NXPH1: variants seen among roughly 807,000 people sequenced by gnomAD.
The protein encoded by NXPH1 is neurexophilin 1.
Under a neutral mutation model 23.7 loss-of-function variants are expected in NXPH1, and 5 were observed. The ratio of observed to expected loss-of-function variants is 0.21; its 90% confidence interval spans 0.11 to 0.44. The LOEUF is 0.44. Among genes scored for constraint, NXPH1 ranks in the 20% least tolerant of loss-of-function variants. The probability of loss-of-function intolerance (pLI) is 0.99; values close to 1 mark genes in which losing one functional copy is unlikely to be tolerated. For missense variants in NXPH1, 324 were observed against 321.6 expected, an observed-to-expected ratio of 1.01 and a Z score of -0.06; for synonymous variants, 144 against 122.2, an observed-to-expected ratio of 1.18 and a Z score of -1.18.
chr7:8,520,435 T>C (rs974551742), intron 2 of NXPH1, among the ~76,000 whole-genome samples: 20 of 152,202 alleles, frequency 1.3e-4, no homozygotes, highest in Admixed American at 6.5e-5. Context: ...CTCTCAGCTC[T>C]GGCAATTATA....
chr7:8,531,863 T>C (rs917260680), intron 2 of NXPH1, among the ~76,000 whole-genome samples: 2 of 152,194 alleles, frequency 1.3e-5, no homozygotes, highest in African/African-American at 4.8e-5. Context: ...GCAGTAGCAG[T>C]ATTTTTCTGT....
Position 8,673,313 on chromosome 7 carries a change from T to C in NXPH1, c.55-77695T>C, listed in dbSNP as rs546717294. ...AACAGTTTCAATTAAGATGCATGCT[T>C]TTAAACTGAATACTTTATGAGAAAA... On this transcript the variant is annotated intron_variant, in intron 2 of 2. Coordinates refer to ENST00000405863, the MANE Select transcript of NXPH1 (RefSeq NM_152745.3). Among the ~76,000 whole-genome samples, 3 of 152,300 alleles carry C rather than the reference T, an allele frequency of 2.0e-5. No individual in the cohort carries two copies. In the South Asian group the frequency reaches 6.2e-4, roughly 32 times the overall value.
At chr7:8,528,574 A>C (rs1250549526) in intron 2 of NXPH1, among the ~76,000 whole-genome samples, 1 of 152,246 alleles carries the variant, frequency 6.6e-6, no homozygotes, top group Non-Finnish European at 1.5e-5. Context: ...CCTTATTTGC[A>C]TATGAAAAAT....
At chr7:8,573,191 ACT>A (rs1818683881) in intron 2 of NXPH1, among the ~76,000 whole-genome samples, 1 of 150,554 alleles carries the variant, frequency 6.6e-6, no homozygotes, top group Non-Finnish European at 1.5e-5. Context: ...GTCATTAAAA[ACT>A]CTCTGTTCAC....
intron 2 of NXPH1, among the ~76,000 whole-genome samples, chr7:8,511,671 C>CTATA (rs1023737197): frequency 6.6e-6 from 1 of 152,128 alleles, no homozygotes; most frequent in African/African-American, 2.4e-5. Flanking sequence ...AACTTGTAGA[C>CTATA]TATATGTCAC....
chr7:8,655,118 C>T (rs547170944), intron 2 of NXPH1, among the ~76,000 whole-genome samples: 2 of 152,166 alleles, frequency 1.3e-5, no homozygotes, highest in African/African-American at 4.8e-5. Flanking sequence ...GGCGAAGTAG[C>T]TTATGTCTGT....
chr7:8,588,299 A>AT (rs1819020055), intron 2 of NXPH1, among the ~76,000 whole-genome samples: 1 of 152,154 alleles, frequency 6.6e-6, no homozygotes, highest in African/African-American at 2.4e-5. Context: ...ACAGGAGTGA[A>AT]TTTTTTAACA....
chr7:8,511,101 A>T, intron 2 of NXPH1, among the ~76,000 whole-genome samples: 1 of 152,164 alleles, frequency 6.6e-6, no homozygotes, highest in Non-Finnish European at 1.5e-5. Context: ...GGAATCCAAA[A>T]AGAATAGGAC....
chr7:8,610,449 C>T (rs148208506), intron 2 of NXPH1, among the ~76,000 whole-genome samples: 1 of 152,204 alleles, frequency 6.6e-6, no homozygotes, highest in African/African-American at 2.4e-5. Flanking sequence ...ATCACTATGG[C>T]TTATGACATT....
intron 2 of NXPH1, among the ~76,000 whole-genome samples, chr7:8,655,043 T>G (rs138094424): frequency 1.2e-3 from 185 of 152,252 alleles, no homozygotes; most frequent in African/African-American, 4.1e-3. Context: ...GATTCCCCAC[T>G]GTGTCTTTTT....
chr7:8,693,269 G>T (rs1821251652), intron 2 of NXPH1, among the ~76,000 whole-genome samples: 1 of 152,216 alleles, frequency 6.6e-6, no homozygotes, highest in Non-Finnish European at 1.5e-5. Flanking sequence ...TTAGAGTCAG[G>T]CAGGCCTGAG....
At chr7:8,468,525 T>C (rs538346102) in intron 2 of NXPH1, among the ~76,000 whole-genome samples, 2 of 152,230 alleles carry the variant, frequency 1.3e-5, no homozygotes, top group East Asian at 1.9e-4. Flanking sequence ...ATTTGTGTTG[T>C]GTAATCAAAG....
intron 2 of NXPH1, among the ~76,000 whole-genome samples, chr7:8,688,889 G>C (rs1821186416): frequency 6.6e-6 from 1 of 152,098 alleles, no homozygotes; most frequent in Non-Finnish European, 1.5e-5. Flanking sequence ...CCTTCTAAAG[G>C]TGCTCTTGGA....
intron 2 of NXPH1, among the ~76,000 whole-genome samples, chr7:8,619,952 C>CT (rs1326960206): frequency 6.6e-6 from 1 of 152,110 alleles, no homozygotes; most frequent in Non-Finnish European, 1.5e-5. Flanking sequence ...AGACTTAAGG[C>CT]TGTTAACCAA....
intron 2 of NXPH1, among the ~76,000 whole-genome samples, chr7:8,601,521 T>C (rs577259096): frequency 1.6e-4 from 24 of 152,306 alleles, no homozygotes; most frequent in South Asian, 6.2e-4. Flanking sequence ...CATTTTCCTT[T>C]TCTTCCTCAT....
chr7:8,738,931 G>A (rs368826059), intron 2 of NXPH1, among the ~76,000 whole-genome samples: 1 of 151,996 alleles, frequency 6.6e-6, no homozygotes, highest in East Asian at 2.0e-4. Context: ...ACTGTGAGGG[G>A]AAAATCGCCT....
intron 2 of NXPH1, among the ~76,000 whole-genome samples, chr7:8,595,866 G>A (rs1314908561): frequency 6.6e-6 from 1 of 151,914 alleles, no homozygotes; most frequent in Non-Finnish European, 1.5e-5. Context: ...CCCATTTGAG[G>A]CTCGGTTTTA....
chr7:8,537,108 C>G (rs1177154933), intron 2 of NXPH1, among the ~76,000 whole-genome samples: 1 of 151,942 alleles, frequency 6.6e-6, no homozygotes, highest in Non-Finnish European at 1.5e-5. Flanking sequence ...CTCAGCATAG[C>G]ATGCTTTTGT....
chr7:8,683,489 A>G lies in NXPH1; in HGVS notation c.55-67519A>G, dbSNP rs533234866. Among the ~76,000 whole-genome samples the G allele has an allele frequency of 4.6e-5, 7 of 152,308 alleles. No homozygotes were observed. In the South Asian group the frequency reaches 1.4e-3, roughly 32 times the overall value. Reference sequence around the variant, plus strand: ...TGTGATTTAGAATTCTTACACAGGAATGGGTCAGATTACTGCAGTACTACA... The same window carrying G: ...TGTGATTTAGAATTCTTACACAGGAGTGGGTCAGATTACTGCAGTACTACA... On this transcript the variant is annotated intron_variant, in intron 2 of 2. Transcript: ENST00000405863.
Sources: gnomAD v4.1 joint callset for allele counts (sites outside exome capture counted in the v4.1 genomes callset) on GRCh38, gnomAD v4.1.1 for gene constraint, MANE v1.5 for transcripts, NCBI Gene and HGNC (gene_info 2026-07-23, HGNC 2026-07-21) for gene names.